The following PIEZO2 variants were observed in gnomAD, a reference collection of about 807,000 sequenced individuals.
PIEZO2 encodes the protein piezo-type mechanosensitive ion channel component 2.
PIEZO2 carries 172 observed loss-of-function variants against 337.3 expected under a neutral mutation model. That is an observed-to-expected ratio of 0.51 (90% CI 0.45 to 0.58). The LOEUF (loss-of-function observed/expected upper bound fraction) is 0.58. Ranked by LOEUF, PIEZO2 falls within the 20% of genes least tolerant of loss-of-function variation. The pLI is 0.00. For missense variants in PIEZO2, 3,028 were observed against 3,391.3 expected (o/e 0.89, Z 2.66); for synonymous variants, 1,251 against 1,228.5 (o/e 1.02, Z -0.38).
Position 10,677,762 on chromosome 18 carries a change from C to A in PIEZO2, c.8066G>T (p.Ser2689Ile), listed in dbSNP as rs1037135676. 1.9e-6 allele frequency: 3 copies of A among 1,608,470 alleles called. No homozygotes were observed. The Admixed American group carries it at 5.1e-5, about 27-fold the overall frequency. ...AKMIAGNSTE[S>I]SKTPVTIEKI... ...ATACACTTACACTGGTGTTTTTGAA[C>A]TTTCTGTGCTGTTGCCTGCTATCAT... Residue 2689 changes from serine (S) to isoleucine (I), a missense_variant, in exon 53 of 56, where the codon AGT (serine) becomes ATT (isoleucine). Physicochemically the swap from Ser to Ile is moderately radical, Grantham distance 142. Transcript: ENST00000674853. This position sits in a 1 kb window ranked among gnomAD's most constrained non-coding sequence, Gnocchi z 4.1.
intron 3 of PIEZO2, among the ~76,000 whole-genome samples, chr18:10,932,288 G>A (rs1226080751): frequency 2.0e-5 from 3 of 152,028 alleles, no homozygotes; most frequent in African/African-American, 7.2e-5. Flanking sequence ...CCCAGCTACT[G>A]GGGAGGCTGA....
Position 10,784,683 on chromosome 18 carries a change from ACTT to A in PIEZO2, c.2492+98_2492+100del. 2.6e-6 allele frequency: 3 copies of A among 1,169,888 alleles called. No homozygotes were observed. Among genetic ancestry groups the A allele is most frequent in the Non-Finnish European group, 3.4e-6 (3 of 869,646 alleles). 72.5% of individuals were successfully genotyped at this position (1,169,888 alleles called of 1,614,324 possible). ...TACTCATGGAAAATTCAAGGCTGAAACTTTTAGATTACTGGCTTCTCGCAAGGT... is the reference window on the plus strand; with the variant it reads ...TACTCATGGAAAATTCAAGGCTGAAATTAGATTACTGGCTTCTCGCAAGGT... On this transcript the variant is annotated intron_variant, in intron 17 of 55. Transcript: ENST00000674853. This position sits in a 1 kb window ranked among gnomAD's most constrained non-coding sequence, Gnocchi z 4.5.
At chr18:10,935,218 G>C (rs577054046) in intron 3 of PIEZO2, among the ~76,000 whole-genome samples, 1 of 152,176 alleles carries the variant, frequency 6.6e-6, no homozygotes, top group South Asian at 2.1e-4. Flanking sequence ...TGCTGTGGGA[G>C]ACCTGCAGAA....
At chr18:10,858,107 G>C (rs1481831284) in intron 5 of PIEZO2, among the ~76,000 whole-genome samples, 2 of 150,150 alleles carry the variant, frequency 1.3e-5, no homozygotes. Context: ...AGATCACGAA[G>C]TCAAGAGATC....
At chr18:10,826,811 A>G (rs2040690685) in intron 7 of PIEZO2, among the ~76,000 whole-genome samples, 1 of 152,246 alleles carries the variant, frequency 6.6e-6, no homozygotes, top group African/African-American at 2.4e-5. Context: ...GGTACCATAC[A>G]GAATAATGTC....
intron 3 of PIEZO2, among the ~76,000 whole-genome samples, chr18:10,936,245 T>G (rs2032386457): frequency 6.6e-6 from 1 of 152,204 alleles, no homozygotes; most frequent in Admixed American, 6.5e-5. Context: ...CAGCATAGTT[T>G]TAGCATCTGA....
chr18:11,067,399 T>A (rs565672308), intron 1 of PIEZO2, among the ~76,000 whole-genome samples: 3 of 151,842 alleles, frequency 2.0e-5, no homozygotes, highest in South Asian at 4.2e-4. Context: ...AAAAAAAAAA[T>A]TATCTTGAAT....
At position 10,673,528 on chromosome 18, in the gene PIEZO2, C is replaced by T. The variant is rs1271504208; in HGVS notation, c.8162-655G>A. Among the ~76,000 whole-genome samples, 1 of 152,128 alleles carries T rather than the reference C, an allele frequency of 6.6e-6. No homozygotes were observed. Among genetic ancestry groups the T allele is most frequent in the Admixed American group, 6.5e-5 (1 of 15,270 alleles). On this transcript the variant is annotated intron_variant, in intron 54 of 55. Transcript: ENST00000674853. This position sits in a 1 kb window ranked among gnomAD's most constrained non-coding sequence, Gnocchi z 4.8. ...AGGTGAAGGTGGGTGAGGAGGGAAG[C>T]TCATTTCAGGAAGAGTGATGGGACA...
intron 18 of PIEZO2, among the ~76,000 whole-genome samples, chr18:10,776,917 T>C (rs2038810526): frequency 6.6e-6 from 1 of 152,204 alleles, no homozygotes; most frequent in African/African-American, 2.4e-5. Flanking sequence ...CTAAAGAACT[T>C]ATAAGACTTG....
In PIEZO2 at chr18:10,862,030, A is replaced by T. The variant is rs1312791769; in HGVS notation, c.493-4819T>A. On this transcript the variant is annotated intron_variant, in intron 5 of 55. Transcript: ENST00000674853. This position sits in a 1 kb window ranked among gnomAD's most constrained non-coding sequence, Gnocchi z 4.4. The stretch of plus-strand genomic sequence containing the variant: ...GAGACTCAATCTCAAAAAAAAAATT[A>T]ATAAATAAAACAAAATAATAAAAAA... Among the ~76,000 whole-genome samples, 1 of 152,074 alleles carries T rather than the reference A, an allele frequency of 6.6e-6. No homozygotes were observed. The highest frequency in any genetic ancestry group is 1.5e-5 in the Non-Finnish European group (1 of 68,010).
In PIEZO2 at chr18:10,726,245, G is replaced by C; in HGVS notation, c.5029+5162C>G. ...ACGCTGCCTGGGGCTGGAAGAGCTT[G>C]TGTGCGAGCCTGTGTTCGGGAGCAT... On this transcript the variant is annotated intron_variant, in intron 36 of 55. Coordinates refer to ENST00000674853, the MANE Select transcript of PIEZO2 (RefSeq NM_001378183.1). This position sits in a 1 kb window ranked among gnomAD's most constrained non-coding sequence, Gnocchi z 5.9. 2 of 746,734 alleles carry C rather than the reference G, an allele frequency of 2.7e-6. No individual in the cohort carries two copies. The highest frequency in any genetic ancestry group is 3.0e-5 in the South Asian group (2 of 66,284). 46.3% of individuals were successfully genotyped at this position (746,734 alleles called of 1,614,324 possible). A position where few individuals can be genotyped will look rare whatever the true frequency, so the allele number is the denominator to read the frequency against.
At chr18:10,725,496 T>C in intron 36 of PIEZO2, 2 of 1,472,890 alleles carry the variant, frequency 1.4e-6, no homozygotes. Flanking sequence ...TGGGTAGGCA[T>C]GAAAGGGGCC....
rs2033953738 is a variant in PIEZO2 at position 10,675,407 on chromosome 18, C to A, written c.8082-119G>T. The A allele has an allele frequency of 5.3e-6, 3 of 563,618 alleles. No homozygotes were observed. The East Asian group carries it at 9.8e-5, about 18-fold the overall frequency. 34.9% of individuals were successfully genotyped at this position (563,618 alleles called of 1,614,324 possible). ...AAATAATAGTGAAAGTTTCATATAT[C>A]TGTACAATGTGTAGACATCATAATT... On this transcript the variant is annotated intron_variant, in intron 53 of 55. Coordinates refer to ENST00000674853, the MANE Select transcript of PIEZO2 (RefSeq NM_001378183.1).
At chr18:10,692,188 C>T (rs1029574159) in intron 47 of PIEZO2, among the ~76,000 whole-genome samples, 1 of 152,042 alleles carries the variant, frequency 6.6e-6, no homozygotes, top group Admixed American at 6.6e-5. Context: ...TTAAATTTCA[C>T]ACTAGAAAAA....
intron 2 of PIEZO2, among the ~76,000 whole-genome samples, chr18:10,991,729 C>A (rs970903695): frequency 6.6e-6 from 1 of 152,008 alleles, no homozygotes; most frequent in Non-Finnish European, 1.5e-5. Flanking sequence ...ATTTATAATC[C>A]TTGGGGTATA....
chr18:10,944,146 A>G (rs2032877512), intron 3 of PIEZO2, among the ~76,000 whole-genome samples: 1 of 152,206 alleles, frequency 6.6e-6, no homozygotes, highest in South Asian at 2.1e-4. Flanking sequence ...AAAATAAAAT[A>G]AGAAATGAAA....
rs756089126 is a variant in PIEZO2, at chr18:10,988,407, A to G, written c.161-8747T>C. ...TATTAAGAAAGCCTCACACCTGTTA[A>G]GATGACTATTTTTGAAAAACAAAAG... On this transcript the variant is annotated intron_variant, in intron 2 of 55. Coordinates refer to ENST00000674853, the MANE Select transcript of PIEZO2 (RefSeq NM_001378183.1). This position sits in a 1 kb window ranked among gnomAD's most constrained non-coding sequence, Gnocchi z 4.8. 5.9e-5 allele frequency among the ~76,000 whole-genome samples: 9 copies of G among 152,214 alleles called. No individual in the cohort carries two copies. The highest frequency in any genetic ancestry group is 8.8e-5 in the Non-Finnish European group (6 of 68,028).
chr18:10,991,215 T>TAC (rs573598542), intron 2 of PIEZO2, among the ~76,000 whole-genome samples: 293 of 147,762 alleles, frequency 2.0e-3, no homozygotes, highest in East Asian at 3.0e-3. Context: ...CATATATATA[T>TAC]ACACACACAC....
At position 11,112,999 on chromosome 18, in the gene PIEZO2, C is replaced by T. The variant is rs2039780618; in HGVS notation, c.64+35526G>A. On this transcript the variant is annotated intron_variant, in intron 1 of 55. Coordinates refer to ENST00000674853, the MANE Select transcript of PIEZO2 (RefSeq NM_001378183.1). The surrounding 1 kb of genome is among the most constrained non-coding windows in gnomAD (Gnocchi z 4.3). Reference sequence around the variant, plus strand: ...CCTGGTGTGTTTATTATTTTGGTACCTAACTCAGTGCCCAGCACGATGTAG... The same window carrying T: ...CCTGGTGTGTTTATTATTTTGGTACTTAACTCAGTGCCCAGCACGATGTAG... Among the ~76,000 whole-genome samples, 1 of 152,120 alleles carries T rather than the reference C, an allele frequency of 6.6e-6. No individual in the cohort carries two copies. The highest frequency in any genetic ancestry group is 6.5e-5 in the Admixed American group (1 of 15,278).
Sources: gnomAD v4.1 joint callset for allele counts (sites outside exome capture counted in the v4.1 genomes callset) on GRCh38, gnomAD v4.1.1 for gene constraint, Gnocchi (gnomAD v3.1) non-coding constraint, MANE v1.5 for transcripts, NCBI Gene and HGNC (gene_info 2026-07-23, HGNC 2026-07-21) for gene names.